The following LRGUK variants were observed in gnomAD, a reference collection of about 807,000 sequenced individuals.
The protein encoded by LRGUK is leucine-rich repeat and guanylate kinase domain-containing protein.
A neutral mutation model predicts 76.0 loss-of-function variants in LRGUK; 65 were observed. The ratio of observed to expected loss-of-function variants is 0.85; its 90% CI spans 0.70 to 1.05. The LOEUF (loss-of-function observed/expected upper bound fraction) is 1.05, where lower values mean the gene tolerates loss of function less well. Ranked by LOEUF, LRGUK falls within the 50% of genes least tolerant of loss-of-function variation. The pLI is 0.00. For missense variants in LRGUK, 758 were observed against 732.8 expected, an observed-to-expected ratio of 1.03 and a Z score of -0.40; for synonymous variants, 268 against 265.6, an observed-to-expected ratio of 1.01 and a Z score of -0.09.
At chr7:134,186,382 C>G (rs1398590156) in intron 11 of LRGUK, among the ~76,000 whole-genome samples, 3 of 152,208 alleles carry the variant, frequency 2.0e-5, no homozygotes, top group Non-Finnish European at 4.4e-5. Flanking sequence ...TGTCTGCTTT[C>G]CCTGCTTGTC....
At chr7:134,143,747 AC>A (rs764433755) in intron 4 of LRGUK, among the ~76,000 whole-genome samples, 36 of 152,202 alleles carry the variant, frequency 2.4e-4, no homozygotes, top group Non-Finnish European at 4.6e-4. Flanking sequence ...GAAATAAACT[AC>A]CTGTGGACAG....
intron 14 of LRGUK, among the ~76,000 whole-genome samples, chr7:134,199,979 CTTTTATAT>C (rs1252093311): frequency 1.8e-5 from 1 of 54,866 alleles, no homozygotes; most frequent in African/African-American, 6.9e-5. Context: ...ATTCTAGAAA[CTTTTATAT>C]ATATATATAT....
chr7:134,184,065 G>C (rs1799875271), intron 11 of LRGUK, among the ~76,000 whole-genome samples: 1 of 152,064 alleles, frequency 6.6e-6, no homozygotes, highest in South Asian at 2.1e-4. Flanking sequence ...ATTAACTCTT[G>C]GTAAGGACAG....
chr7:134,171,251 C>T (rs1473853329), intron 7 of LRGUK, among the ~76,000 whole-genome samples: 1 of 151,748 alleles, frequency 6.6e-6, no homozygotes, highest in African/African-American at 2.4e-5. Context: ...ATTCTTATTC[C>T]AGTATACACT....
At position 134,127,578 on chromosome 7, in the gene LRGUK, G is replaced by T. The variant is rs1585399709; in HGVS notation, c.211G>T (p.Glu71Ter). ...CCAGCAGCTCATGCACCGCTATCAG[G>T]AGCTGGACTCGGACGGAGATGAGGA... The change falls in exon 1 of 16, where the codon GAG (glutamate) becomes TAG (stop). Residue 71 changes from glutamate to a stop codon, truncating the protein, a stop_gained. Coordinates refer to ENST00000645682, the Ensembl canonical transcript of LRGUK. LOFTEE classifies it high-confidence loss of function. The T allele has an allele frequency of 6.8e-6, 11 of 1,614,194 alleles. No homozygotes were observed. Among genetic ancestry groups the T allele is most frequent in the Non-Finnish European group, 9.3e-6 (11 of 1,180,032 alleles).
intron 9 of LRGUK, 147 bp from the exon 10 acceptor site, chr7:134,178,356 T>C: frequency 2.1e-6 from 1 of 474,150 alleles, no homozygotes; most frequent in Non-Finnish European, 3.7e-6. Flanking sequence ...ACATGAAGAC[T>C]GAATACTAAT....
At chr7:134,232,284 A>ATT (rs199587725) in intron 16 of LRGUK, among the ~76,000 whole-genome samples, 25 of 145,938 alleles carry the variant, frequency 1.7e-4, no homozygotes, top group African/African-American at 6.0e-4. Context: ...TTTTTAATTT[A>ATT]TTTTTTTTTT....
chr7:134,159,086 G>A (rs1241943163), intron 6 of LRGUK, among the ~76,000 whole-genome samples: 2 of 151,954 alleles, frequency 1.3e-5, no homozygotes, highest in African/African-American at 4.8e-5. Context: ...GCCTGTAATC[G>A]CAGCACTTTG....
intron 7 of LRGUK, among the ~76,000 whole-genome samples, chr7:134,171,102 C>G (rs930887242): frequency 6.6e-6 from 1 of 151,566 alleles, no homozygotes; most frequent in African/African-American, 2.4e-5. Context: ...AACCCAAGTT[C>G]TAACCCTGGC....
intron 7 of LRGUK, among the ~76,000 whole-genome samples, chr7:134,168,703 A>T (rs1368901942): frequency 6.6e-6 from 1 of 152,166 alleles, no homozygotes; most frequent in Non-Finnish European, 1.5e-5. Flanking sequence ...ATGAGGAAGA[A>T]GATGTGGCTG....
At chr7:134,172,032 T>C (rs935727258) in intron 7 of LRGUK, among the ~76,000 whole-genome samples, 2 of 152,178 alleles carry the variant, frequency 1.3e-5, no homozygotes, top group Non-Finnish European at 2.9e-5. Context: ...CCCTTTCATT[T>C]AATTCTCAAA....
At chr7:134,187,678 A>C (rs1800033760) in intron 11 of LRGUK, among the ~76,000 whole-genome samples, 1 of 152,178 alleles carries the variant, frequency 6.6e-6, no homozygotes. Context: ...TACTTTCTTC[A>C]AAGTCTCTCT....
chr7:134,243,143 T>C (rs1487607126), intron 16 of LRGUK, among the ~76,000 whole-genome samples: 26 of 152,054 alleles, frequency 1.7e-4, no homozygotes, highest in Admixed American at 1.5e-3. Flanking sequence ...AGAACTGGAA[T>C]AAGACAGGGA....
intron 15 of LRGUK, among the ~76,000 whole-genome samples, chr7:134,217,643 T>C (rs1801472327): frequency 6.6e-6 from 1 of 152,182 alleles, no homozygotes; most frequent in Non-Finnish European, 1.5e-5. Flanking sequence ...GATGTAATTC[T>C]GTCCTAGAAA....
chr7:134,212,522 T>A (rs1311994486), downstream of LRGUK, among the ~76,000 whole-genome samples: 6 of 152,334 alleles, frequency 3.9e-5, no homozygotes, highest in South Asian at 1.0e-3. Flanking sequence ...GAAACTGATA[T>A]TTTAGAAATC....
chr7:134,161,688 CTTT>C (rs57550981), intron 6 of LRGUK, among the ~76,000 whole-genome samples: 5 of 105,444 alleles, frequency 4.7e-5, no homozygotes, highest in Admixed American at 1.0e-4. Context: ...TATTGTTATT[CTTT>C]TTTTTTTTTT....
rs1563202661 is a variant in LRGUK at position 134,258,410 on chromosome 7, G to C, written c.2347+5G>C. On this transcript the variant is annotated splice_donor_5th_base_variant and intron_variant, in intron 19 of 19. Coordinates refer to the LRGUK transcript ENST00000285928. ...AGACCGAAGAGACCCGGAAAGGTAT[G>C]AGTTAGGCCAAGCGCGGTGGCTCAT... The C allele has an allele frequency of 6.2e-7, 1 of 1,613,312 alleles. No homozygotes were observed.
chr7:134,171,107 C>A (rs1241008876), intron 7 of LRGUK, among the ~76,000 whole-genome samples: 1 of 151,642 alleles, frequency 6.6e-6, no homozygotes, highest in Non-Finnish European at 1.5e-5. Flanking sequence ...AAGTTCTAAC[C>A]CTGGCCAAAT....
intron 15 of LRGUK, among the ~76,000 whole-genome samples, chr7:134,207,749 C>A (rs1016392217): frequency 6.6e-6 from 1 of 152,136 alleles, no homozygotes; most frequent in Non-Finnish European, 1.5e-5. Context: ...AGATCTCCCC[C>A]AAAGTGAGCT....
Sources: gnomAD v4.1 joint callset for allele counts (sites outside exome capture counted in the v4.1 genomes callset) on GRCh38, gnomAD v4.1.1 for gene constraint, MANE v1.5 for transcripts, NCBI Gene and HGNC (gene_info 2026-07-23, HGNC 2026-07-21) for gene names.